The following HECTD2 variants were observed in gnomAD, a reference collection of about 807,000 sequenced individuals.
HECTD2 encodes probable E3 ubiquitin-protein ligase HECTD2.
HECTD2 carries 35 observed loss-of-function variants against 103.2 expected under a neutral mutation model. The observed-to-expected ratio is 0.34, with a 90% CI of 0.26 to 0.45. HECTD2 has a LOEUF of 0.45. Ranked by LOEUF, HECTD2 falls within the 20% of genes least tolerant of loss-of-function variation. The pLI is 1.00. For synonymous variants in HECTD2, 281 were observed against 329.9 expected, an observed-to-expected ratio of 0.85 and a Z score of 1.61; for missense variants, 596 against 937.4, an observed-to-expected ratio of 0.64 and a Z score of 4.76.
chr10:91,462,671 C>T, intron 5 of HECTD2: 7 of 994,094 alleles, frequency 7.0e-6, no homozygotes, highest in Non-Finnish European at 8.4e-6. Flanking sequence ...ATTATGTCAC[C>T]ATTCAAAAAA....
chr10:91,465,706 T>G (rs1845508080), intron 5 of HECTD2, among the ~76,000 whole-genome samples: 1 of 152,190 alleles, frequency 6.6e-6, no homozygotes, highest in South Asian at 2.1e-4. Context: ...ATTTTTCTTT[T>G]TTAGCTTGTC....
intron 1 of HECTD2, among the ~76,000 whole-genome samples, chr10:91,421,599 G>T (rs1436452731): frequency 6.6e-6 from 1 of 152,214 alleles, no homozygotes; most frequent in Non-Finnish European, 1.5e-5. Flanking sequence ...CACCCTGGGG[G>T]CTGTGGGTTG....
chr10:91,429,498 C>T (rs1395603076), intron 2 of HECTD2, among the ~76,000 whole-genome samples: 7 of 152,042 alleles, frequency 4.6e-5, no homozygotes, highest in African/African-American at 1.7e-4. Flanking sequence ...GCTGTGAATC[C>T]ATCTGGTCCT....
chr10:91,411,730 G>T (rs1481224373), intron 1 of HECTD2, among the ~76,000 whole-genome samples: 1 of 152,224 alleles, frequency 6.6e-6, no homozygotes, highest in Non-Finnish European at 1.5e-5. Context: ...ACGTTTAAAA[G>T]CGTAGCTACA....
intron 1 of HECTD2, 133 bp downstream of exon 1, chr10:91,410,709 C>G: frequency 1.2e-6 from 1 of 809,648 alleles, no homozygotes; most frequent in Middle Eastern, 4.2e-4. Flanking sequence ...CGCACTCAGG[C>G]CGCCCTTCCT....
Position 91,496,344 on chromosome 10 carries a change from C to G in HECTD2, c.1652C>G (p.Thr551Ser). 1 of 1,611,604 alleles carries G rather than the reference C, an allele frequency of 6.2e-7. No individual in the cohort carries two copies. ...ATACCAGTAGGCATCTGCAATGTTA[C>G]CGTGGACGACTTATGTCAAATTATG... is the stretch of plus-strand genomic sequence containing the variant. Reference protein sequence around the residue: ...QNIPVGICNVTVDDLCQIMPE... With the variant: ...QNIPVGICNVSVDDLCQIMPE... Residue 551 changes from threonine to serine, a missense_variant, in exon 15 of 21, where the codon ACC becomes AGC. Thr to Ser is a moderately conservative substitution (Grantham distance 58, BLOSUM62 1). Transcript: ENST00000298068.
In HECTD2 at chr10:91,514,613, C is replaced by T. The variant is rs1847543012; in HGVS notation, c.*2229C>T. On this transcript the variant is annotated 3_prime_UTR_variant, in exon 21 of 21. Coordinates refer to ENST00000298068, the MANE Select transcript of HECTD2 (RefSeq NM_182765.6). ...ACAGTATTTATCAGTATTTTTTAAA[C>T]ATCCTGTCCTTTTTTAAAATCTTTG... 6.6e-6 allele frequency: 1 copy of T among 152,484 alleles called. No individual in the cohort carries two copies. Among genetic ancestry groups the T allele is most frequent in the African/African-American group, 2.4e-5 (1 of 41,404 alleles). 9.4% of individuals were successfully genotyped at this position (152,484 alleles called of 1,614,324 possible).
intron 2 of HECTD2, 33 bp downstream of exon 2, chr10:91,425,443 G>A (rs1194969290): frequency 7.2e-7 from 1 of 1,389,946 alleles, no homozygotes; most frequent in Non-Finnish European, 9.6e-7. Context: ...TTGGCTAAAA[G>A]TATATTTTTA....
intron 5 of HECTD2, among the ~76,000 whole-genome samples, chr10:91,470,876 A>G (rs989709397): frequency 1.3e-5 from 2 of 152,140 alleles, no homozygotes; most frequent in Non-Finnish European, 2.9e-5. Flanking sequence ...CACCATTTCT[A>G]CTGAAACTAT....
At chr10:91,409,694 A>T (rs937737133), upstream of HECTD2, among the ~76,000 whole-genome samples, 1 of 152,148 alleles carries the variant, frequency 6.6e-6, no homozygotes, top group African/African-American at 2.4e-5. Flanking sequence ...AGGCGTGTAC[A>T]AAAGAGTCGG....
chr10:91,461,948 T>A lies in HECTD2; in HGVS notation c.511-147T>A, dbSNP rs139103320. Reference sequence around the variant, plus strand: ...TAAAATAATCTTTGTACATTTCTTTTTATTTTCAGAAATTTTGCCCTAACA... The same window carrying A: ...TAAAATAATCTTTGTACATTTCTTTATATTTTCAGAAATTTTGCCCTAACA... On this transcript the variant is annotated intron_variant, in intron 4 of 20. Transcript: ENST00000298068. 9.4e-4 allele frequency: 568 copies of A among 603,046 alleles called. 10 individuals are homozygous for A. The East Asian group carries it at 0.018, about 19-fold the overall frequency. The allele number at this position is 603,046 out of a possible 1,614,324, so 37.4% of individuals were successfully genotyped here. A position where few individuals can be genotyped will look rare whatever the true frequency, so the allele number is the denominator to read the frequency against.
chr10:91,412,092 A>G (rs1382942608), intron 1 of HECTD2, among the ~76,000 whole-genome samples: 1 of 152,224 alleles, frequency 6.6e-6, no homozygotes, highest in Non-Finnish European at 1.5e-5. Context: ...TTCAGATTTT[A>G]GAAAGGTAAT....
intron 7 of HECTD2, among the ~76,000 whole-genome samples, chr10:91,482,668 T>G (rs994557731): frequency 6.6e-6 from 1 of 151,966 alleles, no homozygotes; most frequent in African/African-American, 2.4e-5. Flanking sequence ...TCATTCCCAT[T>G]TTACAGATAA....
chr10:91,444,600 C>G (rs746554390), intron 2 of HECTD2, among the ~76,000 whole-genome samples: 1 of 152,146 alleles, frequency 6.6e-6, no homozygotes, highest in Non-Finnish European at 1.5e-5. Context: ...AGAAAAATAA[C>G]AGACTGCAGC....
At chr10:91,493,126 T>C (rs1010416430) in intron 13 of HECTD2, among the ~76,000 whole-genome samples, 6 of 151,680 alleles carry the variant, frequency 4.0e-5, no homozygotes, top group Non-Finnish European at 8.9e-5. Context: ...AACTATACTT[T>C]TTATAAAGTT....
chr10:91,498,831 A>AT (rs763618254), intron 16 of HECTD2, 41 bp from the exon 17 acceptor site: 5 of 1,190,052 alleles, frequency 4.2e-6, no homozygotes. Flanking sequence ...GTATGTTATT[A>AT]TATCAACCAT....
intron 2 of HECTD2, among the ~76,000 whole-genome samples, chr10:91,429,227 C>G (rs953659173): frequency 1.8e-4 from 27 of 152,174 alleles, no homozygotes; most frequent in East Asian, 1.4e-3. Context: ...AGGGATGAAG[C>G]CCACTTGATC....
intron 5 of HECTD2, among the ~76,000 whole-genome samples, chr10:91,474,165 G>A (rs1233405534): frequency 6.6e-6 from 1 of 152,136 alleles, no homozygotes; most frequent in Non-Finnish European, 1.5e-5. Context: ...CTAAAACAGT[G>A]CAAGTGGAGC....
chr10:91,474,687 GCTCTAAGT>G (rs1845843713), intron 5 of HECTD2, among the ~76,000 whole-genome samples: 1 of 152,160 alleles, frequency 6.6e-6, no homozygotes, highest in Non-Finnish European at 1.5e-5. Context: ...GTCATATACA[GCTCTAAGT>G]AGCTTATATT....
Sources: allele counts gnomAD v4.1 joint callset (sites outside exome capture counted in the v4.1 genomes callset), GRCh38; gene constraint gnomAD v4.1.1; transcripts MANE v1.5; gene names NCBI Gene and HGNC (gene_info 2026-07-23, HGNC 2026-07-21).